Variants in NSMCE2 observed in about 807,000 individuals in gnomAD.
The protein encoded by NSMCE2 is E3 SUMO-protein ligase NSE2.
In NSMCE2, 24 loss-of-function variants were observed where a neutral mutation model predicts 23.8. That is an observed-to-expected ratio of 1.01 (90% CI 0.73 to 1.42). The LOEUF is 1.42. Ranked by LOEUF, NSMCE2 falls within the 40% of genes most tolerant of loss-of-function variation. NSMCE2 has a pLI of 0.00. For missense variants in NSMCE2, 284 were observed against 296.5 expected, an observed-to-expected ratio of 0.96 and a Z score of 0.31; for synonymous variants, 92 against 94.1, an observed-to-expected ratio of 0.98 and a Z score of 0.13.
chr8:125,284,412 T>A (rs1021840101), intron 5 of NSMCE2, among the ~76,000 whole-genome samples: 1 of 152,100 alleles, frequency 6.6e-6, no homozygotes, highest in Non-Finnish European at 1.5e-5. Flanking sequence ...CATGGGGGTT[T>A]GAGACTGACC....
chr8:125,171,234 C>A (rs1185566278), intron 4 of NSMCE2, among the ~76,000 whole-genome samples: 1 of 152,188 alleles, frequency 6.6e-6, no homozygotes, highest in Non-Finnish European at 1.5e-5. Context: ...TCTTATTATT[C>A]TTCTACTCAA....
chr8:125,112,143 G>A lies in NSMCE2; in HGVS notation c.157+9656G>A, dbSNP rs71516765. Among the ~76,000 whole-genome samples, 1,220 of 152,264 alleles carry A rather than the reference G, an allele frequency of 8.0e-3. 11 individuals are homozygous for A. The highest frequency in any genetic ancestry group is 0.013 in the Non-Finnish European group (876 of 68,016). Reference sequence around the variant, plus strand: ...GTATGCTTATACAGCTTTTATAACTGGAGCCAACTATACCAGCAAAATAGC... The same window carrying A: ...GTATGCTTATACAGCTTTTATAACTAGAGCCAACTATACCAGCAAAATAGC... On this transcript the variant is annotated intron_variant, in intron 3 of 7. Coordinates refer to ENST00000287437, the MANE Select transcript of NSMCE2 (RefSeq NM_173685.4).
At chr8:125,284,283 A>C (rs1827813033) in intron 5 of NSMCE2, among the ~76,000 whole-genome samples, 1 of 151,970 alleles carries the variant, frequency 6.6e-6, no homozygotes, top group Admixed American at 6.5e-5. Context: ...TTCGACTCTC[A>C]CAAGTCCTTT....
intron 3 of NSMCE2, among the ~76,000 whole-genome samples, chr8:125,122,463 T>C (rs1819315690): frequency 6.6e-6 from 1 of 152,216 alleles, no homozygotes; most frequent in Non-Finnish European, 1.5e-5. Context: ...TATCCCCTTA[T>C]ACTCTATATA....
chr8:125,359,057 G>A (rs1345306290), intron 7 of NSMCE2, among the ~76,000 whole-genome samples: 1 of 151,874 alleles, frequency 6.6e-6, no homozygotes, highest in African/African-American at 2.4e-5. Flanking sequence ...ACGAGGTCAG[G>A]AGATAGAGAC....
At chr8:125,329,919 G>T (rs941560011) in intron 5 of NSMCE2, among the ~76,000 whole-genome samples, 1 of 152,126 alleles carries the variant, frequency 6.6e-6, no homozygotes, top group African/African-American at 2.4e-5. Context: ...GTGATACCAT[G>T]TAGTAAGACT....
chr8:125,360,456 T>C lies in NSMCE2; in HGVS notation c.626+2638T>C, dbSNP rs933857654. Among the ~76,000 whole-genome samples the C allele has an allele frequency of 2.6e-5, 4 of 152,352 alleles. No individual in the cohort carries two copies. In the East Asian group the frequency reaches 7.7e-4, roughly 29 times the overall value. On this transcript the variant is annotated intron_variant, in intron 7 of 7. Coordinates refer to ENST00000287437, the MANE Select transcript of NSMCE2 (RefSeq NM_173685.4). Reference sequence around the variant, plus strand: ...ACAAGGCCAGAGCCCGACTTCGTTCTGCTCACTGTGATGCCTTAGCACCCT... The same window carrying C: ...ACAAGGCCAGAGCCCGACTTCGTTCCGCTCACTGTGATGCCTTAGCACCCT...
intron 5 of NSMCE2, among the ~76,000 whole-genome samples, chr8:125,328,687 C>CA (rs1275109169): frequency 5.3e-5 from 8 of 152,174 alleles, no homozygotes; most frequent in African/African-American, 1.9e-4. Flanking sequence ...TGGCATGAAT[C>CA]AGTGATTTGC....
chr8:125,092,902 A>G (rs1355130684), intron 1 of NSMCE2, among the ~76,000 whole-genome samples: 1 of 152,226 alleles, frequency 6.6e-6, no homozygotes, highest in Non-Finnish European at 1.5e-5. Flanking sequence ...CTGTGGGGTC[A>G]GGGTGAGGGC....
intron 5 of NSMCE2, among the ~76,000 whole-genome samples, chr8:125,212,818 T>A (rs994974140): frequency 6.6e-6 from 1 of 152,196 alleles, no homozygotes; most frequent in Admixed American, 6.6e-5. Context: ...TGACTAGATT[T>A]CAGCCCGGGT....
chr8:125,212,053 G>T lies in NSMCE2; in HGVS notation c.418+29797G>T, dbSNP rs116941673. Among the ~76,000 whole-genome samples the T allele has an allele frequency of 1.2e-4, 19 of 152,268 alleles. No homozygotes were observed. The East Asian group carries it at 3.5e-3, about 28-fold the overall frequency. On this transcript the variant is annotated intron_variant, in intron 5 of 7. Coordinates refer to ENST00000287437, the MANE Select transcript of NSMCE2 (RefSeq NM_173685.4). Reference sequence around the variant, plus strand: ...TAGCCTAAGTGGGCAAAGTCCATCTGTCTCTATAATTTTGAATAAGAGAGA... The same window carrying T: ...TAGCCTAAGTGGGCAAAGTCCATCTTTCTCTATAATTTTGAATAAGAGAGA...
chr8:125,334,275 T>C (rs962384639), intron 5 of NSMCE2, among the ~76,000 whole-genome samples: 1 of 152,156 alleles, frequency 6.6e-6, no homozygotes, highest in African/African-American at 2.4e-5. Flanking sequence ...ATCATTGTCA[T>C]CTAAATGCAT....
chr8:125,248,178 C>T (rs1440437507), intron 5 of NSMCE2, among the ~76,000 whole-genome samples: 3 of 151,958 alleles, frequency 2.0e-5, no homozygotes, highest in Non-Finnish European at 2.9e-5. Context: ...AGAAACAGTC[C>T]GGGGTGTTTA....
intron 5 of NSMCE2, among the ~76,000 whole-genome samples, chr8:125,246,618 C>T (rs1260696623): frequency 6.6e-6 from 1 of 152,218 alleles, no homozygotes; most frequent in Non-Finnish European, 1.5e-5. Flanking sequence ...TCACTCAATA[C>T]TGTCAAACTT....
At chr8:125,193,810 A>G (rs1823473893) in intron 5 of NSMCE2, among the ~76,000 whole-genome samples, 1 of 152,234 alleles carries the variant, frequency 6.6e-6, no homozygotes, top group South Asian at 2.1e-4. Context: ...GTGCCCCTTC[A>G]GTCTCTGCCT....
intron 4 of NSMCE2, among the ~76,000 whole-genome samples, chr8:125,165,227 TAA>T (rs1392090590): frequency 6.6e-6 from 1 of 152,218 alleles, no homozygotes; most frequent in Non-Finnish European, 1.5e-5. Context: ...ATAACTTAGG[TAA>T]AGTACTTAAT....
intron 5 of NSMCE2, among the ~76,000 whole-genome samples, chr8:125,201,694 C>T (rs765988946): frequency 3.0e-4 from 45 of 152,202 alleles, no homozygotes; most frequent in Non-Finnish European, 2.9e-5. Flanking sequence ...AGAGCTCAGT[C>T]GTTGTGCTGA....
intron 5 of NSMCE2, among the ~76,000 whole-genome samples, chr8:125,302,639 CAAG>C (rs750820414): frequency 2.6e-5 from 4 of 152,104 alleles, no homozygotes; most frequent in Admixed American, 6.6e-5. Flanking sequence ...TCAGATAGAA[CAAG>C]AAGATTAGAA....
chr8:125,272,586 T>C (rs1444966077), intron 5 of NSMCE2, among the ~76,000 whole-genome samples: 1 of 151,628 alleles, frequency 6.6e-6, no homozygotes, highest in East Asian at 1.9e-4. Context: ...AGTCAGTCAT[T>C]GTGTTACATA....
Sources: allele counts gnomAD v4.1 joint callset (sites outside exome capture counted in the v4.1 genomes callset), GRCh38; gene constraint gnomAD v4.1.1; transcripts MANE v1.5; gene names NCBI Gene and HGNC (gene_info 2026-07-23, HGNC 2026-07-21).